The following ANK3 variants were observed in gnomAD, a reference collection of about 807,000 sequenced individuals.
ANK3 encodes ankyrin 3.
A neutral mutation model predicts 370.9 loss-of-function variants in ANK3; 57 were observed. That is an observed-to-expected ratio of 0.15 (90% confidence interval 0.12 to 0.19). The LOEUF (loss-of-function observed/expected upper bound fraction) is 0.19. ANK3 is among the 10% of genes least tolerant of loss of function. The probability of loss-of-function intolerance (pLI) is 1.00; values close to 1 mark genes in which losing one functional copy is unlikely to be tolerated. For missense variants in ANK3, 4,439 were observed against 5,302.1 expected, an observed-to-expected ratio of 0.84 and a Z score of 5.06; for synonymous variants, 1,929 against 1,946.3, an observed-to-expected ratio of 0.99 and a Z score of 0.23.
intron 2 of ANK3, among the ~76,000 whole-genome samples, chr10:60,568,190 T>G (rs1388745369): frequency 6.6e-6 from 1 of 152,214 alleles, no homozygotes; most frequent in Non-Finnish European, 1.5e-5. Flanking sequence ...CAGCATTACA[T>G]GTTACAGAGA....
At chr10:60,384,640 T>C (rs889934343) in intron 1 of ANK3, among the ~76,000 whole-genome samples, 1 of 152,202 alleles carries the variant, frequency 6.6e-6, no homozygotes, top group Non-Finnish European at 1.5e-5. Context: ...GTCTGTAAGA[T>C]GGGGATAATA....
chr10:60,067,543 T>C (rs1046593255), intron 38 of ANK3, among the ~76,000 whole-genome samples: 1 of 152,212 alleles, frequency 6.6e-6, no homozygotes, highest in African/African-American at 2.4e-5. Context: ...CCTAGAAAAC[T>C]GCCCTAAGGA....
intron 2 of ANK3, among the ~76,000 whole-genome samples, chr10:60,468,340 T>C (rs1384941855): frequency 6.6e-6 from 1 of 152,128 alleles, no homozygotes; most frequent in Non-Finnish European, 1.5e-5. Context: ...GTGTGTATTG[T>C]CTATAAATGT....
intron 38 of ANK3, among the ~76,000 whole-genome samples, chr10:60,067,591 T>C (rs972636296): frequency 2.6e-5 from 4 of 152,228 alleles, no homozygotes; most frequent in African/African-American, 9.6e-5. Flanking sequence ...AATTAAGTCA[T>C]AGGCCTTAGC....
chr10:60,457,400 A>G (rs1488787228), intron 2 of ANK3, among the ~76,000 whole-genome samples: 1 of 152,158 alleles, frequency 6.6e-6, no homozygotes, highest in African/African-American at 2.4e-5. Context: ...GAGAAGATAA[A>G]GGCTCTGCCA....
rs1401735473 is a variant in ANK3 at position 60,091,731 on chromosome 10, T to A, written c.3329-3373A>T. Among the ~76,000 whole-genome samples the A allele has an allele frequency of 3.3e-5, 4 of 122,226 alleles. No individual in the cohort carries two copies. In the Admixed American group the frequency reaches 3.3e-4, roughly 10 times the overall value. 80.2% of individuals were successfully genotyped at this position (122,226 alleles called of 152,430 possible). A position where few individuals can be genotyped will look rare whatever the true frequency, so the allele number is the denominator to read the frequency against. Reference sequence around the variant, plus strand: ...TATAGGGGAAAATGTAATCTGCACATTTTTGTTTTTTTTTTTTTGAGACGG... The same window carrying A: ...TATAGGGGAAAATGTAATCTGCACAATTTTGTTTTTTTTTTTTTGAGACGG... On this transcript the variant is annotated intron_variant, in intron 28 of 43. Transcript: ENST00000280772.
Position 60,042,733 on chromosome 10 carries a change from C to T in ANK3, c.13092G>A (p.Thr4364=), listed in dbSNP as rs775425679. ...QKQGEGFKVK[T]KKEIRHVEKK... is the part of the protein sequence containing the mutation. ...TTTCCACATGCCGGATTTCTTTCTTCGTTTTCACCTTAAAACCTTCTCCCT... is the reference window on the plus strand; with the variant it reads ...TTTCCACATGCCGGATTTCTTTCTTTGTTTTCACCTTAAAACCTTCTCCCT... Residue 4364 remains threonine (T), a synonymous_variant, in exon 43 of 44, where the codon ACG becomes ACA. Transcript: ENST00000280772. 7 of 1,613,638 alleles carry T rather than the reference C, an allele frequency of 4.3e-6. No homozygotes were observed. The highest frequency in any genetic ancestry group is 4.5e-5 in the East Asian group (2 of 44,882).
intron 2 of ANK3, among the ~76,000 whole-genome samples, chr10:60,440,540 C>A (rs1418631474): frequency 6.6e-6 from 1 of 152,064 alleles, no homozygotes; most frequent in Non-Finnish European, 1.5e-5. Flanking sequence ...GGGAACCACC[C>A]CCATGATCCT....
At chr10:60,385,554 G>A in intron 1 of ANK3, among the ~76,000 whole-genome samples, 1 of 152,070 alleles carries the variant, frequency 6.6e-6, no homozygotes, top group East Asian at 1.9e-4. Flanking sequence ...CTTAATAAAT[G>A]TTTACTGAAT....
intron 2 of ANK3, among the ~76,000 whole-genome samples, chr10:60,578,892 G>T (rs1486179230): frequency 6.6e-6 from 1 of 151,982 alleles, no homozygotes; most frequent in Non-Finnish European, 1.5e-5. Flanking sequence ...AATCTTAATG[G>T]TACCTTGCCT....
intron 4 of ANK3, 28 bp downstream of exon 4, chr10:60,278,746 T>C (rs1296705729): frequency 1.9e-6 from 3 of 1,559,162 alleles, no homozygotes; most frequent in Non-Finnish European, 2.7e-6. Flanking sequence ...GATAACAAAA[T>C]GTCTGTGGCA....
At chr10:60,289,035 G>A (rs2040704639) in intron 1 of ANK3, among the ~76,000 whole-genome samples, 1 of 152,052 alleles carries the variant, frequency 6.6e-6, no homozygotes, top group Non-Finnish European at 1.5e-5. Context: ...TTCACCAAAG[G>A]AGAAAGCCAC....
chr10:60,093,671 G>A (rs546416319), intron 28 of ANK3, among the ~76,000 whole-genome samples: 1 of 152,286 alleles, frequency 6.6e-6, no homozygotes, highest in East Asian at 1.9e-4. Flanking sequence ...GCCACTTTGC[G>A]TGATAGAGGC....
rs921057892 is a variant in ANK3, at chr10:60,380,963, C to T, written c.114+8462G>A. 2.6e-5 allele frequency among the ~76,000 whole-genome samples: 4 copies of T among 152,288 alleles called. No individual in the cohort carries two copies. In the East Asian group the frequency reaches 7.7e-4, roughly 29 times the overall value. On this transcript the variant is annotated intron_variant, in intron 1 of 43. Transcript: ENST00000280772. The stretch of plus-strand genomic sequence containing the variant: ...AAGGGAATCCGCCGATAAAGGAAGA[C>T]AGCCACTGGGCCACCTTAGGTTCAG...
At chr10:60,397,503 T>A (rs1012109888) in intron 2 of ANK3, among the ~76,000 whole-genome samples, 2 of 152,140 alleles carry the variant, frequency 1.3e-5, no homozygotes, top group African/African-American at 4.8e-5. Flanking sequence ...AAGACGGACA[T>A]CACAGAGAAC....
chr10:60,453,286 G>A (rs1161527776), intron 2 of ANK3, among the ~76,000 whole-genome samples: 6 of 152,242 alleles, frequency 3.9e-5, no homozygotes, highest in South Asian at 2.1e-4. Context: ...AGCACAGACC[G>A]GGGGCTCTTT....
chr10:60,603,333 A>T (rs1236311107), intron 2 of ANK3, among the ~76,000 whole-genome samples: 4 of 152,134 alleles, frequency 2.6e-5, no homozygotes, highest in African/African-American at 9.7e-5. Flanking sequence ...CTCATCCTGA[A>T]TGTTTTGAAT....
chr10:60,620,743 T>C (rs1350095625), intron 1 of ANK3, among the ~76,000 whole-genome samples: 1 of 152,220 alleles, frequency 6.6e-6, no homozygotes, highest in African/African-American at 2.4e-5. Context: ...CTTTTTTGTA[T>C]TTAGCAATAA....
At chr10:60,652,271 G>T (rs948895779) in intron 1 of ANK3, among the ~76,000 whole-genome samples, 3 of 151,928 alleles carry the variant, frequency 2.0e-5, no homozygotes, top group Non-Finnish European at 2.9e-5. Context: ...GCATAGTGGC[G>T]CACACCTGTA....
Sources: allele counts gnomAD v4.1 joint callset (sites outside exome capture counted in the v4.1 genomes callset), GRCh38; gene constraint gnomAD v4.1.1; transcripts MANE v1.5; gene names NCBI Gene and HGNC (gene_info 2026-07-23, HGNC 2026-07-21).